The following KIF13A variants were observed in gnomAD, a reference collection of about 807,000 sequenced individuals.
KIF13A encodes kinesin family member 13A.
KIF13A carries 79 observed loss-of-function variants against 212.2 expected under a neutral mutation model. The observed-to-expected ratio is 0.37, with a 90% CI of 0.31 to 0.45. KIF13A has a LOEUF of 0.45. Among genes scored for constraint, KIF13A ranks in the 20% least tolerant of loss-of-function variants. KIF13A has a pLI of 1.00. For synonymous variants in KIF13A, 789 were observed against 808.6 expected (o/e 0.98, Z 0.41); for missense variants, 1,901 against 2,209.0 (o/e 0.86, Z 2.79).
chr6:17,839,048 G>C lies in KIF13A; in HGVS notation c.831-1465C>G, dbSNP rs1766254929. Among the ~76,000 whole-genome samples, 2 of 152,176 alleles carry C rather than the reference G, an allele frequency of 1.3e-5. No individual in the cohort carries two copies. Among genetic ancestry groups the C allele is most frequent in the Admixed American group, 1.3e-4 (2 of 15,276 alleles). ...TTGCCCAGGCTGGTCTTGAACTCCT[G>C]ATCTCAGGTGATCCACCCATCCTGG... On this transcript the variant is annotated intron_variant, in intron 9 of 38. Coordinates refer to ENST00000259711, the MANE Select transcript of KIF13A (RefSeq NM_022113.6). The surrounding 1 kb of genome is among the most constrained non-coding windows in gnomAD (Gnocchi z 4.3).
At chr6:17,781,090 A>C in intron 30 of KIF13A, 87 bp downstream of exon 30, 1 of 1,548,982 alleles carries the variant, frequency 6.5e-7, no homozygotes, top group Admixed American at 1.8e-5. Context: ...TTTTTCCCCA[A>C]AGCAAACCAT....
At chr6:17,917,983 C>G (rs1227906938) in intron 2 of KIF13A, among the ~76,000 whole-genome samples, 2 of 152,030 alleles carry the variant, frequency 1.3e-5, no homozygotes, top group African/African-American at 4.8e-5. Flanking sequence ...CCCCCTTGGT[C>G]CAGAGAGGCA....
chr6:17,970,781 C>G (rs1456300472), intron 2 of KIF13A, among the ~76,000 whole-genome samples: 2 of 152,304 alleles, frequency 1.3e-5, no homozygotes, highest in South Asian at 2.1e-4. Flanking sequence ...GTTATAACCA[C>G]TTAAAAGCCT....
rs1779831146 is a variant in KIF13A at position 17,971,829 on chromosome 6, A to G, written c.146+15225T>C. ...TGTTTTTTAAAAATCCTTAAGTCTGAGAACCAATGAGCAAGGGCAGCTAAC... is the reference window on the plus strand; with the variant it reads ...TGTTTTTTAAAAATCCTTAAGTCTGGGAACCAATGAGCAAGGGCAGCTAAC... On this transcript the variant is annotated intron_variant, in intron 2 of 38. Coordinates refer to ENST00000259711, the MANE Select transcript of KIF13A (RefSeq NM_022113.6). This position sits in a 1 kb window ranked among gnomAD's most constrained non-coding sequence, Gnocchi z 4.2. 6.6e-6 allele frequency among the ~76,000 whole-genome samples: 1 copy of G among 152,188 alleles called. No homozygotes were observed. The highest frequency in any genetic ancestry group is 6.5e-5 in the Admixed American group (1 of 15,276).
chr6:17,954,991 C>CT (rs1220817519), intron 2 of KIF13A, among the ~76,000 whole-genome samples: 3 of 152,054 alleles, frequency 2.0e-5, no homozygotes, highest in Non-Finnish European at 2.9e-5. Context: ...TTTAAAAAAA[C>CT]TTTTTTTGTA....
chr6:17,961,402 A>G lies in KIF13A; in HGVS notation c.146+25652T>C, dbSNP rs1488264155. ...CCCAGCATGAAAGGGACCTAAAACC[A>G]CCCCAAAATTGGCCCAACAAGCACC... On this transcript the variant is annotated intron_variant, in intron 2 of 38. Transcript: ENST00000259711. This position sits in a 1 kb window ranked among gnomAD's most constrained non-coding sequence, Gnocchi z 4.1. 1.3e-5 allele frequency among the ~76,000 whole-genome samples: 2 copies of G among 152,182 alleles called. No individual in the cohort carries two copies. The highest frequency in any genetic ancestry group is 4.8e-5 in the African/African-American group (2 of 41,450).
chr6:17,801,485 G>C (rs1218230308), intron 20 of KIF13A, among the ~76,000 whole-genome samples: 6 of 152,202 alleles, frequency 3.9e-5, no homozygotes, highest in African/African-American at 1.4e-4. Context: ...CTGGGCAACA[G>C]AGTGAGACTC....
intron 2 of KIF13A, among the ~76,000 whole-genome samples, chr6:17,972,206 T>C (rs1471531819): frequency 1.3e-5 from 2 of 152,206 alleles, no homozygotes; most frequent in African/African-American, 4.8e-5. Context: ...CCCACTACTA[T>C]CCTCCTTCCT....
At chr6:17,870,681 C>T (rs182088524) in intron 4 of KIF13A, among the ~76,000 whole-genome samples, 6 of 152,294 alleles carry the variant, frequency 3.9e-5, no homozygotes, top group African/African-American at 1.4e-4. Flanking sequence ...CCTCATTCAA[C>T]ATGTACAAAT....
intron 2 of KIF13A, among the ~76,000 whole-genome samples, chr6:17,916,384 G>A (rs184135723): frequency 2.0e-5 from 3 of 152,220 alleles, no homozygotes; most frequent in East Asian, 1.9e-4. Flanking sequence ...TTCCTATAAC[G>A]CCTGTTACCT....
chr6:17,855,729 G>A lies in KIF13A; in HGVS notation c.314-112C>T. ...GCCATGGTAACATAGCAGAAGAGTG[G>A]CCAACTTAGCCTCAAACCCTGTTGC... On this transcript the variant is annotated intron_variant, in intron 5 of 38. Transcript: ENST00000259711. This position sits in a 1 kb window ranked among gnomAD's most constrained non-coding sequence, Gnocchi z 4.1. 1 of 820,424 alleles carries A rather than the reference G, an allele frequency of 1.2e-6. No individual in the cohort carries two copies. Among genetic ancestry groups the A allele is most frequent in the African/African-American group, 1.7e-5 (1 of 57,786 alleles). The allele number at this position is 820,424 out of a possible 1,614,324, so 50.8% of individuals were successfully genotyped here.
At position 17,892,062 on chromosome 6, in the gene KIF13A, T is replaced by C. The variant is rs1181426472; in HGVS notation, c.159+6106A>G. Among the ~76,000 whole-genome samples the C allele has an allele frequency of 6.6e-6, 1 of 152,166 alleles. No individual in the cohort carries two copies. The highest frequency in any genetic ancestry group is 1.9e-4 in the East Asian group (1 of 5,188). ...GCAGAGTCGGCAAATTCGTATCACC[T>C]GCTAAGCATCCTATCAGATGGCTGC... On this transcript the variant is annotated intron_variant, in intron 3 of 38. Coordinates refer to ENST00000259711, the MANE Select transcript of KIF13A (RefSeq NM_022113.6). The surrounding 1 kb of genome is among the most constrained non-coding windows in gnomAD (Gnocchi z 4.7).
intron 3 of KIF13A, among the ~76,000 whole-genome samples, chr6:17,885,923 T>C (rs1400284320): frequency 6.6e-6 from 1 of 152,178 alleles, no homozygotes; most frequent in Non-Finnish European, 1.5e-5. Flanking sequence ...ATCTGTGGTA[T>C]TTCCAGTTCT....
intron 2 of KIF13A, among the ~76,000 whole-genome samples, chr6:17,938,567 T>C (rs1287221338): frequency 1.3e-5 from 2 of 152,168 alleles, no homozygotes; most frequent in Admixed American, 1.3e-4. Context: ...TGGAAACATA[T>C]GCTTATGACT....
In KIF13A at chr6:17,825,465, T is replaced by C. The variant is rs1764880087; in HGVS notation, c.1786+303A>G. Among the ~76,000 whole-genome samples the C allele has an allele frequency of 6.6e-6, 1 of 152,158 alleles. No homozygotes were observed. Among genetic ancestry groups the C allele is most frequent in the South Asian group, 2.1e-4 (1 of 4,828 alleles). On this transcript the variant is annotated intron_variant, in intron 16 of 38. Transcript: ENST00000259711. The surrounding 1 kb of genome is among the most constrained non-coding windows in gnomAD (Gnocchi z 4.5). ...TATGACAGGCTCGATGATGAGAAAT[T>C]TGGTAAGGAATTTTGTCAAAATCAT...
At chr6:17,862,222 T>A (rs541136072) in intron 4 of KIF13A, among the ~76,000 whole-genome samples, 1 of 152,286 alleles carries the variant, frequency 6.6e-6, no homozygotes, top group East Asian at 1.9e-4. Context: ...TTACCAGCTA[T>A]GTGACACTGG....
intron 2 of KIF13A, among the ~76,000 whole-genome samples, chr6:17,957,001 C>A (rs1778403509): frequency 6.6e-6 from 1 of 152,168 alleles, no homozygotes; most frequent in Non-Finnish European, 1.5e-5. Context: ...CTGCCTCAGC[C>A]TCCCAAGTAG....
intron 4 of KIF13A, among the ~76,000 whole-genome samples, chr6:17,859,620 T>TTA (rs1355192834): frequency 0.01 from 1,343 of 131,502 alleles, 49 homozygotes; most frequent in African/African-American, 0.017. Context: ...GCAATGTATT[T>TTA]TATATATATA....
chr6:17,766,755 G>A (rs1038816296), intron 38 of KIF13A, among the ~76,000 whole-genome samples: 2 of 151,924 alleles, frequency 1.3e-5, no homozygotes, highest in Non-Finnish European at 2.9e-5. Flanking sequence ...GAGGTGGGGA[G>A]GGGGGATTTA....
Sources: allele counts gnomAD v4.1 joint callset (sites outside exome capture counted in the v4.1 genomes callset), GRCh38; gene constraint gnomAD v4.1.1; non-coding constraint Gnocchi (gnomAD v3.1); transcripts MANE v1.5; gene names NCBI Gene and HGNC (gene_info 2026-07-23, HGNC 2026-07-21).